Variants in PDE11A observed in about 807,000 individuals in gnomAD.
PDE11A encodes phosphodiesterase 11A.
In PDE11A, 100 loss-of-function variants were observed where a neutral mutation model predicts 100.5. That is an observed-to-expected ratio of 1.00 (90% CI 0.85 to 1.18). The LOEUF is 1.18. Ranked by LOEUF, PDE11A falls within the 50% of genes most tolerant of loss-of-function variation. PDE11A has a pLI of 0.00. For missense variants in PDE11A, 1,141 were observed against 1,152.6 expected (o/e 0.99, Z 0.15); for synonymous variants, 381 against 420.8 (o/e 0.91, Z 1.16).
chr2:177,648,575 T>C (rs867529136), intron 19 of PDE11A, among the ~76,000 whole-genome samples: 1 of 151,230 alleles, frequency 6.6e-6, no homozygotes, highest in Non-Finnish European at 1.5e-5. Flanking sequence ...ATTTTAAAGC[T>C]TATGTGAAAA....
intron 9 of PDE11A, among the ~76,000 whole-genome samples, chr2:177,805,405 C>A (rs2082855216): frequency 6.6e-6 from 1 of 151,888 alleles, no homozygotes; most frequent in South Asian, 2.1e-4. Context: ...TGCCTTATTT[C>A]CAGTGCCCAA....
Position 177,726,205 on chromosome 2 carries a change from G to A in PDE11A, c.2043+1453C>T, listed in dbSNP as rs556384628. Among the ~76,000 whole-genome samples the A allele has an allele frequency of 3.9e-5, 6 of 152,242 alleles. No homozygotes were observed. The South Asian group carries it at 1.2e-3, about 32-fold the overall frequency. On this transcript the variant is annotated intron_variant, in intron 12 of 19. Coordinates refer to ENST00000286063, the MANE Select transcript of PDE11A (RefSeq NM_016953.4). ...TGGATGCAACAGAAGAATGGAATCA[G>A]TCCAGTTTTCCCAGGCCAGTCTGCC...
intron 19 of PDE11A, among the ~76,000 whole-genome samples, chr2:177,654,685 G>A (rs1005883034): frequency 6.6e-6 from 1 of 152,092 alleles, no homozygotes; most frequent in Non-Finnish European, 1.5e-5. Flanking sequence ...GAGAATGTGA[G>A]GTTCTTATTT....
At chr2:178,040,454 T>C (rs1437910093) in intron 1 of PDE11A, among the ~76,000 whole-genome samples, 3 of 152,216 alleles carry the variant, frequency 2.0e-5, no homozygotes, top group Non-Finnish European at 2.9e-5. Flanking sequence ...GAATATATGA[T>C]GCATTTCACA....
intron 4 of PDE11A, among the ~76,000 whole-genome samples, chr2:177,889,065 T>A (rs1454065040): frequency 6.6e-6 from 1 of 152,220 alleles, no homozygotes; most frequent in Non-Finnish European, 1.5e-5. Context: ...ACTCTCATAC[T>A]TTTCAGGAAG....
chr2:177,859,335 A>C (rs1447415093), intron 5 of PDE11A, among the ~76,000 whole-genome samples: 1 of 151,964 alleles, frequency 6.6e-6, no homozygotes, highest in Non-Finnish European at 1.5e-5. Flanking sequence ...GGGGAAAAAA[A>C]CAAAATATCC....
At chr2:177,704,398 TC>T (rs1262016251) in intron 13 of PDE11A, among the ~76,000 whole-genome samples, 1 of 151,872 alleles carries the variant, frequency 6.6e-6, no homozygotes, top group Non-Finnish European at 1.5e-5. Context: ...TCCAAATGGA[TC>T]CCTTATTTAC....
At chr2:177,698,365 CT>C (rs2105535478) in intron 14 of PDE11A, 1 of 152,092 alleles carries the variant, frequency 6.6e-6, no homozygotes, top group Non-Finnish European at 1.5e-5. Context: ...GTGAAAAATC[CT>C]TCTGTAAAGT....
chr2:177,897,942 G>A (rs1341143702), intron 4 of PDE11A, 116 bp downstream of exon 4: 2 of 866,130 alleles, frequency 2.3e-6, no homozygotes, highest in Non-Finnish European at 3.9e-6. Context: ...GTTGCCCCAT[G>A]GTTGAAGAGT....
intron 5 of PDE11A, among the ~76,000 whole-genome samples, chr2:177,845,113 A>G (rs1485268684): frequency 2.0e-4 from 30 of 146,496 alleles, no homozygotes; most frequent in African/African-American, 3.8e-4. Context: ...CAGTAGGGGC[A>G]GCCGGGCAGA....
chr2:178,027,082 A>G (rs531326711), intron 1 of PDE11A, among the ~76,000 whole-genome samples: 1 of 152,168 alleles, frequency 6.6e-6, no homozygotes, highest in Non-Finnish European at 1.5e-5. Flanking sequence ...ACTTTTATAC[A>G]TTGCTAATGA....
Position 177,727,769 on chromosome 2 carries a change from A to C in PDE11A, c.1936-4T>G. 1 of 1,551,908 alleles carries C rather than the reference A, an allele frequency of 6.4e-7. No homozygotes were observed. ...TCAAAAGCCACCTACACAGTGTCTG[A>C]AATGGGAGGGAGAGGGTGCGTCAGG... On this transcript the variant is annotated splice_polypyrimidine_tract_variant and splice_region_variant and intron_variant, in intron 11 of 19. Coordinates refer to ENST00000286063, the MANE Select transcript of PDE11A (RefSeq NM_016953.4).
chr2:177,946,834 G>A (rs1574300207), intron 2 of PDE11A, among the ~76,000 whole-genome samples: 1 of 71,774 alleles, frequency 1.4e-5, no homozygotes, highest in Non-Finnish European at 3.0e-5. Context: ...GGAGGGAGGT[G>A]GGGGGGGTCA....
At chr2:177,790,712 A>G (rs1429411157) in intron 9 of PDE11A, among the ~76,000 whole-genome samples, 3 of 152,134 alleles carry the variant, frequency 2.0e-5, no homozygotes, top group African/African-American at 7.2e-5. Flanking sequence ...AAACAACCCC[A>G]TCAAAAAGTG....
intron 9 of PDE11A, among the ~76,000 whole-genome samples, chr2:177,814,688 A>C (rs1574170132): frequency 6.6e-6 from 1 of 152,214 alleles, no homozygotes; most frequent in Non-Finnish European, 1.5e-5. Context: ...AGTCAGTAAT[A>C]ATTTTTGTGT....
In PDE11A at chr2:177,631,599, A is replaced by ATGTG. The variant is rs377110929; in HGVS notation, c.2647-2041_2647-2038dup. Among the ~76,000 whole-genome samples, 4 of 74,822 alleles carry ATGTG rather than the reference A, an allele frequency of 5.3e-5. No homozygotes were observed. In the South Asian group the frequency reaches 1.5e-3, roughly 29 times the overall value. The allele number at this position is 74,822 out of a possible 152,430, so 49.1% of individuals were successfully genotyped here. On this transcript the variant is annotated intron_variant, in intron 19 of 19. Transcript: ENST00000286063. ...TATATATATATACACACACATATAT[A>ATGTG]TGTGTGTATATATATACATATATGT...
chr2:178,106,149 A>G (rs1273109277), intron 1 of PDE11A, among the ~76,000 whole-genome samples: 1 of 152,236 alleles, frequency 6.6e-6, no homozygotes, highest in East Asian at 1.9e-4. Flanking sequence ...ACTGTGGTTA[A>G]ACAATCTGTA....
upstream of PDE11A, among the ~76,000 whole-genome samples, chr2:178,073,756 G>T (rs1282053501): frequency 7.9e-5 from 12 of 152,160 alleles, no homozygotes; most frequent in Admixed American, 7.9e-4. Context: ...CAGTAAAGAT[G>T]GTTAGTGATA....
chr2:177,854,842 G>A (rs1211113639), intron 5 of PDE11A, among the ~76,000 whole-genome samples: 1 of 152,048 alleles, frequency 6.6e-6, no homozygotes, highest in Non-Finnish European at 1.5e-5. Context: ...ATAGAAATGA[G>A]CCTCTAAGGT....
Sources: allele counts gnomAD v4.1 joint callset (sites outside exome capture counted in the v4.1 genomes callset), GRCh38; gene constraint gnomAD v4.1.1; transcripts MANE v1.5; gene names NCBI Gene and HGNC (gene_info 2026-07-23, HGNC 2026-07-21).